Variants in PDS5A observed in about 807,000 individuals in gnomAD.
PDS5A encodes the protein sister chromatid cohesion protein PDS5 homolog A.
In PDS5A, 42 loss-of-function variants were observed where a neutral mutation model predicts 167.1. The ratio of observed to expected loss-of-function variants is 0.25; its 90% CI spans 0.20 to 0.33. The LOEUF is 0.33. Ranked by LOEUF, PDS5A falls within the 10% of genes least tolerant of loss-of-function variation. The pLI, the probability that PDS5A is intolerant of heterozygous loss-of-function variation, is 1.00. For synonymous variants in PDS5A, 553 were observed against 554.6 expected (o/e 1.00, Z 0.04); for missense variants, 1,033 against 1,605.9 (o/e 0.64, Z 6.10).
intron 2 of PDS5A, among the ~76,000 whole-genome samples, chr4:39,943,191 T>C (rs191331305): frequency 1.3e-5 from 2 of 151,646 alleles, no homozygotes; most frequent in Admixed American, 6.6e-5. Context: ...TATATACATA[T>C]ATCTCACAAT....
chr4:39,895,870 A>G (rs1172170271), intron 16 of PDS5A, among the ~76,000 whole-genome samples: 2 of 149,702 alleles, frequency 1.3e-5, no homozygotes, highest in Non-Finnish European at 3.0e-5. Context: ...GGCGCCCGCC[A>G]CCATGCTCAG....
In PDS5A at chr4:39,862,147, TAAAC is replaced by T. The variant is rs199738475; in HGVS notation, c.3086+68_3086+71del. ...TAATGTAAATAATAAATAAAAATAA[TAAAC>T]AAAAAATTTACCATTTTTTGAAAAC... On this transcript the variant is annotated intron_variant, in intron 26 of 32. Coordinates refer to ENST00000303538, the MANE Select transcript of PDS5A (RefSeq NM_001100399.2). 4.9e-3 allele frequency: 2,606 copies of T among 531,450 alleles called. 42 individuals are homozygous for T. Among genetic ancestry groups the T allele is most frequent in the African/African-American group, 0.044 (2,249 of 51,112 alleles). The allele number at this position is 531,450 out of a possible 1,614,324, so 32.9% of individuals were successfully genotyped here. A position where few individuals can be genotyped will look rare whatever the true frequency, so the allele number is the denominator to read the frequency against.
intron 2 of PDS5A, among the ~76,000 whole-genome samples, chr4:39,941,600 C>T (rs141649824): frequency 3.3e-5 from 5 of 152,276 alleles, no homozygotes; most frequent in African/African-American, 7.2e-5. Flanking sequence ...ATGCATAAAG[C>T]CATTAGAATT....
At chr4:39,949,119 C>A (rs1428599325) in intron 2 of PDS5A, among the ~76,000 whole-genome samples, 4 of 150,574 alleles carry the variant, frequency 2.7e-5, no homozygotes, top group South Asian at 4.2e-4. Flanking sequence ...ATAGTGAAAC[C>A]CTGTCTCTAC....
In PDS5A at chr4:39,831,605, C is replaced by T. The variant is rs114769925; in HGVS notation, c.4011-6117G>A. 4.3e-3 allele frequency among the ~76,000 whole-genome samples: 644 copies of T among 151,456 alleles called. 4 individuals carry two copies. The highest frequency in any genetic ancestry group is 0.015 in the African/African-American group (621 of 41,374). On this transcript the variant is annotated intron_variant, in intron 32 of 32. Coordinates refer to ENST00000303538, the MANE Select transcript of PDS5A (RefSeq NM_001100399.2). ...CATTAAGAATATAAAGGGATGGGTG[C>T]GATGGCTCACGCCTGCAATCCCAGC...
chr4:39,879,615 T>G lies in PDS5A; in HGVS notation c.1992+113A>C, dbSNP rs190796199. On this transcript the variant is annotated intron_variant, in intron 18 of 32. Coordinates refer to ENST00000303538, the MANE Select transcript of PDS5A (RefSeq NM_001100399.2). ...CATCATCTAATTTCCAACACAAGTT[T>G]TAAATCTTTCAAATAGTTTCCTGTG... The G allele has an allele frequency of 7.0e-6, 4 of 573,876 alleles. No individual in the cohort carries two copies. In the East Asian group the frequency reaches 1.1e-4, roughly 16 times the overall value. The allele number at this position is 573,876 out of a possible 1,614,324, so 35.5% of individuals were successfully genotyped here. A position where few individuals can be genotyped will look rare whatever the true frequency, so the allele number is the denominator to read the frequency against.
intron 2 of PDS5A, among the ~76,000 whole-genome samples, chr4:39,941,301 T>A (rs754999428): frequency 6.6e-6 from 1 of 152,190 alleles, no homozygotes; most frequent in Non-Finnish European, 1.5e-5. Context: ...CCAGAAAACT[T>A]TACATGTATA....
intron 2 of PDS5A, among the ~76,000 whole-genome samples, chr4:39,942,552 G>A (rs969179592): frequency 1.3e-5 from 2 of 152,036 alleles, no homozygotes; most frequent in African/African-American, 2.4e-5. Context: ...TCAGCCTCCC[G>A]AGAAGCTTGG....
intron 32 of PDS5A, among the ~76,000 whole-genome samples, chr4:39,836,034 T>A (rs1211603027): frequency 6.6e-6 from 1 of 152,148 alleles, no homozygotes; most frequent in East Asian, 1.9e-4. Context: ...TGTTAAGGGG[T>A]AAGGAAACTA....
intron 20 of PDS5A, 25 bp downstream of exon 20, chr4:39,874,264 A>G (rs779021674): frequency 3.7e-5 from 59 of 1,587,756 alleles, no homozygotes; most frequent in Middle Eastern, 1.7e-4. Flanking sequence ...GACCAATATA[A>G]ACACAACCTA....
At chr4:39,893,246 T>C (rs1722123003) in intron 16 of PDS5A, among the ~76,000 whole-genome samples, 1 of 152,148 alleles carries the variant, frequency 6.6e-6, no homozygotes, top group Non-Finnish European at 1.5e-5. Flanking sequence ...TGTAGAAACC[T>C]AAAACCTGAA....
At chr4:39,875,616 T>G (rs1720398314) in intron 19 of PDS5A, among the ~76,000 whole-genome samples, 1 of 152,180 alleles carries the variant, frequency 6.6e-6, no homozygotes. Context: ...CTAGTTGGTA[T>G]GAATCTGATT....
At chr4:39,935,105 G>A (rs1159648243) in intron 2 of PDS5A, among the ~76,000 whole-genome samples, 2 of 152,218 alleles carry the variant, frequency 1.3e-5, no homozygotes, top group Non-Finnish European at 2.9e-5. Context: ...AAGTTGTAAA[G>A]ATTTTCTCCG....
At chr4:39,888,639 A>G (rs894949218) in intron 17 of PDS5A, among the ~76,000 whole-genome samples, 6 of 152,080 alleles carry the variant, frequency 3.9e-5, no homozygotes, top group African/African-American at 1.4e-4. Flanking sequence ...ATTTGTAGCA[A>G]CATGTATGCA....
At chr4:39,893,895 A>G (rs1042689288) in intron 16 of PDS5A, among the ~76,000 whole-genome samples, 4 of 152,236 alleles carry the variant, frequency 2.6e-5, no homozygotes, top group African/African-American at 9.6e-5. Flanking sequence ...GGTTCCTAAT[A>G]TCAAGAGCAC....
intron 11 of PDS5A, among the ~76,000 whole-genome samples, 160 bp from the exon 12 acceptor site, chr4:39,904,351 T>G (rs1391256042): frequency 6.6e-6 from 1 of 152,260 alleles, no homozygotes; most frequent in Non-Finnish European, 1.5e-5. Flanking sequence ...ATTTTATTTT[T>G]TTTTTGAGAC....
chr4:39,948,190 C>T (rs1727960606), intron 2 of PDS5A, among the ~76,000 whole-genome samples: 1 of 103,124 alleles, frequency 9.7e-6, no homozygotes. Context: ...AGGTAGGCAA[C>T]ACAGCAAGAT....
At chr4:39,889,546 A>G (rs1244935288) in intron 17 of PDS5A, among the ~76,000 whole-genome samples, 1 of 152,246 alleles carries the variant, frequency 6.6e-6, no homozygotes, top group Non-Finnish European at 1.5e-5. Flanking sequence ...CTGAATATGG[A>G]AAGATATATA....
chr4:39,885,500 G>A (rs1402399641), intron 17 of PDS5A, among the ~76,000 whole-genome samples: 1 of 152,016 alleles, frequency 6.6e-6, no homozygotes, highest in Non-Finnish European at 1.5e-5. Flanking sequence ...ACCTACTCAG[G>A]AGGCTGAGGT....
Sources: allele counts gnomAD v4.1 joint callset (sites outside exome capture counted in the v4.1 genomes callset), GRCh38; gene constraint gnomAD v4.1.1; transcripts MANE v1.5; gene names NCBI Gene and HGNC (gene_info 2026-07-23, HGNC 2026-07-21).